The following CSMD1 variants were observed in gnomAD, a reference collection of about 807,000 sequenced individuals.
The protein encoded by CSMD1 is CUB and Sushi multiple domains 1, also known as CUB and sushi domain-containing protein 1.
A neutral mutation model predicts 417.5 loss-of-function variants in CSMD1; 213 were observed. The ratio of observed to expected loss-of-function variants is 0.51; its 90% CI spans 0.46 to 0.57. The LOEUF is 0.57. Among genes scored for constraint, CSMD1 ranks in the 20% least tolerant of loss-of-function variants. The pLI, the probability that CSMD1 is intolerant of heterozygous loss-of-function variation, is 0.00. For synonymous variants in CSMD1, 2,862 were observed against 1,736.8 expected (o/e 1.65, Z -16.11); for missense variants, 6,923 against 4,529.7 (o/e 1.53, Z -15.17).
intron 47 of CSMD1, among the ~76,000 whole-genome samples, chr8:3,095,463 G>A (rs10503189): frequency 0.088 from 13,439 of 152,120 alleles, 844 homozygotes; most frequent in Middle Eastern, 0.2. Flanking sequence ...AAAAAGCCAT[G>A]CTCTGAAAAT....
rs188727012 is a variant in CSMD1 at position 2,937,127 on chromosome 8, G to C, written c.*1458C>G. 3.3e-5 allele frequency: 5 copies of C among 152,176 alleles called. No homozygotes were observed. The highest frequency in any genetic ancestry group is 1.2e-4 in the African/African-American group (5 of 41,516). 9.4% of individuals were successfully genotyped at this position (152,176 alleles called of 1,614,324 possible). Reference sequence around the variant, plus strand: ...CTCACGGCCACATCTTCTACTTCATGTTTTGATTTTTATTTGCCCTGGGGA... The same window carrying C: ...CTCACGGCCACATCTTCTACTTCATCTTTTGATTTTTATTTGCCCTGGGGA... On this transcript the variant is annotated 3_prime_UTR_variant, in exon 70 of 70. Transcript: ENST00000635120.
chr8:4,609,603 T>C (rs1285049374), intron 2 of CSMD1, among the ~76,000 whole-genome samples: 1 of 152,164 alleles, frequency 6.6e-6, no homozygotes, highest in Non-Finnish European at 1.5e-5. Context: ...CAGAGTATGA[T>C]CTTATTAGCA....
At chr8:4,152,416 C>G (rs1796614621) in intron 3 of CSMD1, among the ~76,000 whole-genome samples, 1 of 152,052 alleles carries the variant, frequency 6.6e-6, no homozygotes, top group Non-Finnish European at 1.5e-5. Flanking sequence ...CAGTGGCTCA[C>G]ACCTGTAATC....
At chr8:4,217,141 G>A (rs1232483981) in intron 3 of CSMD1, among the ~76,000 whole-genome samples, 1 of 152,162 alleles carries the variant, frequency 6.6e-6, no homozygotes, top group Non-Finnish European at 1.5e-5. Flanking sequence ...GTACTTTGTA[G>A]AAAAGCCCAG....
intron 3 of CSMD1, among the ~76,000 whole-genome samples, chr8:4,417,624 C>G (rs180978005): frequency 2.0e-5 from 3 of 151,880 alleles, no homozygotes; most frequent in African/African-American, 7.3e-5. Flanking sequence ...TATTATTTGA[C>G]TCATACCAAT....
chr8:4,099,375 G>T (rs557252595), intron 3 of CSMD1, among the ~76,000 whole-genome samples: 1 of 151,794 alleles, frequency 6.6e-6, no homozygotes, highest in African/African-American at 2.4e-5. Context: ...TGGTAATCAC[G>T]CCTCACCTCC....
chr8:4,720,925 C>T (rs183494304), intron 1 of CSMD1, among the ~76,000 whole-genome samples: 1 of 152,254 alleles, frequency 6.6e-6, no homozygotes. Context: ...TCTTAACTTT[C>T]GTGAATCTAC....
At chr8:4,808,277 G>C (rs759276182) in intron 1 of CSMD1, among the ~76,000 whole-genome samples, 2 of 152,088 alleles carry the variant, frequency 1.3e-5, no homozygotes, top group Non-Finnish European at 2.9e-5. Context: ...GATGCTGGTT[G>C]AAAAAGGGTG....
chr8:3,675,249 C>T (rs1463639584), intron 7 of CSMD1, among the ~76,000 whole-genome samples: 1 of 152,288 alleles, frequency 6.6e-6, no homozygotes, highest in Middle Eastern at 3.4e-3. Flanking sequence ...TCTTCATTGA[C>T]CTGGCTGGCA....
At chr8:4,021,024 C>T (rs1563327064) in intron 4 of CSMD1, among the ~76,000 whole-genome samples, 1 of 152,136 alleles carries the variant, frequency 6.6e-6, no homozygotes, top group African/African-American at 2.4e-5. Flanking sequence ...TTAAACCCTA[C>T]AACGTAAGTG....
In CSMD1 at chr8:4,052,473, T is replaced by A. The variant is rs188328655; in HGVS notation, c.416-20374A>T. On this transcript the variant is annotated intron_variant, in intron 3 of 69. Transcript: ENST00000635120. ...ATTTTGCCCACTGCAAGATGGATAATCTTTACCCAGGGTCAGAGTGCAGTG... is the reference window on the plus strand; with the variant it reads ...ATTTTGCCCACTGCAAGATGGATAAACTTTACCCAGGGTCAGAGTGCAGTG... Among the ~76,000 whole-genome samples the A allele has an allele frequency of 1.0e-3, 157 of 152,272 alleles. 1 individual carries two copies. Among genetic ancestry groups the A allele is most frequent in the Middle Eastern group, 3.4e-3 (1 of 294 alleles).
At chr8:3,122,392 T>C (rs569112105) in intron 41 of CSMD1, among the ~76,000 whole-genome samples, 8 of 152,326 alleles carry the variant, frequency 5.3e-5, no homozygotes, top group African/African-American at 1.7e-4. Context: ...TTACTATAGA[T>C]CAATAAACCT....
At chr8:3,646,404 C>T (rs957374630) in intron 7 of CSMD1, among the ~76,000 whole-genome samples, 4 of 151,994 alleles carry the variant, frequency 2.6e-5, no homozygotes, top group Middle Eastern at 3.4e-3. Context: ...AAGAAATTAC[C>T]ATACAATCTA....
At chr8:3,752,341 A>G (rs1186878555) in intron 6 of CSMD1, among the ~76,000 whole-genome samples, 2 of 152,140 alleles carry the variant, frequency 1.3e-5, no homozygotes, top group African/African-American at 4.8e-5. Flanking sequence ...AAGATGGACA[A>G]TGTTCCTGAT....
intron 5 of CSMD1, among the ~76,000 whole-genome samples, chr8:3,806,404 T>C (rs934982235): frequency 1.8e-4 from 27 of 152,214 alleles, no homozygotes; most frequent in African/African-American, 6.3e-4. Context: ...AAAGCGTGTG[T>C]GAAGCCCTCA....
At chr8:4,540,459 T>A (rs1339616379) in intron 2 of CSMD1, among the ~76,000 whole-genome samples, 2 of 152,036 alleles carry the variant, frequency 1.3e-5, no homozygotes, top group African/African-American at 4.8e-5. Context: ...TTCCAGGACT[T>A]AGGGGAGGCT....
chr8:4,122,681 C>T (rs1275791084), intron 3 of CSMD1, among the ~76,000 whole-genome samples: 2 of 152,180 alleles, frequency 1.3e-5, no homozygotes, highest in Non-Finnish European at 1.5e-5. Flanking sequence ...CCCTCAGGGG[C>T]TGCAGCTGGG....
chr8:4,071,345 C>G (rs1001801238), intron 3 of CSMD1, among the ~76,000 whole-genome samples: 4 of 152,062 alleles, frequency 2.6e-5, no homozygotes, highest in African/African-American at 9.7e-5. Context: ...TCATCAAGCT[C>G]CCTAACTCTT....
chr8:3,506,528 C>A (rs1247122420), intron 10 of CSMD1, among the ~76,000 whole-genome samples: 1 of 152,186 alleles, frequency 6.6e-6, no homozygotes, highest in East Asian at 1.9e-4. Context: ...GCAGCAGTTA[C>A]ACAGATACTT....
Sources: gnomAD v4.1 joint callset for allele counts (sites outside exome capture counted in the v4.1 genomes callset) on GRCh38, gnomAD v4.1.1 for gene constraint, MANE v1.5 for transcripts, NCBI Gene and HGNC (gene_info 2026-07-23, HGNC 2026-07-21) for gene names.